Variants in TASP1 observed in about 807,000 individuals in gnomAD.
TASP1 encodes the protein taspase 1.
A neutral mutation model predicts 56.6 loss-of-function variants in TASP1; 16 were observed. The observed-to-expected ratio is 0.28, with a 90% CI of 0.19 to 0.43. TASP1 has a LOEUF of 0.43. Ranked by LOEUF, TASP1 falls within the 20% of genes least tolerant of loss-of-function variation. The pLI, the probability that TASP1 is intolerant of heterozygous loss-of-function variation, is 1.00. For missense variants in TASP1, 393 were observed against 511.6 expected, an observed-to-expected ratio of 0.77 and a Z score of 2.24; for synonymous variants, 179 against 184.2, an observed-to-expected ratio of 0.97 and a Z score of 0.23.
At chr20:13,397,682 C>G (rs1304231696) in intron 13 of TASP1, among the ~76,000 whole-genome samples, 3 of 152,136 alleles carry the variant, frequency 2.0e-5, no homozygotes, top group Non-Finnish European at 2.9e-5. Flanking sequence ...CAAGATGATT[C>G]TGGGACTCAG....
At position 13,557,582 on chromosome 20, in the gene TASP1, T is replaced by G. The variant is rs1462794808; in HGVS notation, c.675+1426A>C. On this transcript the variant is annotated intron_variant, in intron 8 of 13. Transcript: ENST00000337743. ...ATTACGATGTTTTTGGTTTTTTTTTTTTTTTTTTTTTTTTTTGAGACAGGG... is the reference window on the plus strand; with the variant it reads ...ATTACGATGTTTTTGGTTTTTTTTTGTTTTTTTTTTTTTTTTGAGACAGGG... Among the ~76,000 whole-genome samples, 7 of 140,058 alleles carry G rather than the reference T, an allele frequency of 5.0e-5. No individual in the cohort carries two copies. In the South Asian group the frequency reaches 7.1e-4, roughly 14 times the overall value. The allele number at this position is 140,058 out of a possible 152,430, so 91.9% of individuals were successfully genotyped here.
intron 11 of TASP1, among the ~76,000 whole-genome samples, chr20:13,449,919 TGATAC>T (rs1442395986): frequency 1.3e-5 from 2 of 152,064 alleles, no homozygotes; most frequent in East Asian, 3.9e-4. Flanking sequence ...ATCAGTGCAA[TGATAC>T]ACAGGGTGTT....
chr20:13,591,244 A>G (rs2047521366), intron 4 of TASP1, among the ~76,000 whole-genome samples: 1 of 152,112 alleles, frequency 6.6e-6, no homozygotes, highest in South Asian at 2.1e-4. Flanking sequence ...AAATCCAAGA[A>G]GCTCAACAAT....
the TASP1 span, among the ~76,000 whole-genome samples, chr20:13,119,867 A>G: frequency 6.6e-6 from 1 of 152,232 alleles, no homozygotes; most frequent in Non-Finnish European, 1.5e-5. Context: ...TGATGACTTA[A>G]AAATCAGTCA....
the TASP1 span, among the ~76,000 whole-genome samples, chr20:13,305,463 G>A: frequency 2.0e-5 from 3 of 152,300 alleles, no homozygotes; most frequent in East Asian, 1.9e-4. Context: ...CCCAGGAAGT[G>A]TTGTGGGGCG....
the TASP1 span, among the ~76,000 whole-genome samples, chr20:13,288,945 T>C: frequency 6.6e-6 from 1 of 152,066 alleles, no homozygotes; most frequent in Non-Finnish European, 1.5e-5. Context: ...CCACCATGCC[T>C]GGCTAATTTT....
chr20:13,476,899 A>C (rs557578809), intron 11 of TASP1, among the ~76,000 whole-genome samples: 7 of 152,150 alleles, frequency 4.6e-5, no homozygotes, highest in Non-Finnish European at 8.8e-5. Context: ...TTTTCTTAGG[A>C]ATCCCTCAAG....
chr20:13,463,690 A>G (rs2044143528), intron 11 of TASP1, among the ~76,000 whole-genome samples: 1 of 152,152 alleles, frequency 6.6e-6, no homozygotes. Context: ...AAGTGGGCAA[A>G]GGACTTCATA....
At chr20:13,150,254 T>C in the TASP1 span, among the ~76,000 whole-genome samples, 36 of 152,366 alleles carry the variant, frequency 2.4e-4, no homozygotes, top group Non-Finnish European at 4.3e-4. Context: ...TCTTAATTTC[T>C]AGTTCTGCAC....
chr20:13,632,681 T>C (rs1406330786), intron 1 of TASP1, among the ~76,000 whole-genome samples: 1 of 152,152 alleles, frequency 6.6e-6, no homozygotes. Context: ...AAATTAACTA[T>C]CAATACATGA....
intron 13 of TASP1, among the ~76,000 whole-genome samples, chr20:13,413,212 T>G (rs988113533): frequency 6.6e-6 from 1 of 152,104 alleles, no homozygotes; most frequent in Non-Finnish European, 1.5e-5. Context: ...AAAAACAAAA[T>G]GTAAATATCA....
intron 11 of TASP1, among the ~76,000 whole-genome samples, chr20:13,461,902 G>C (rs3789348): frequency 0.46 from 70,060 of 151,906 alleles, 16,270 homozygotes; most frequent in Non-Finnish European, 0.47. Context: ...GTTTATACAA[G>C]ATTCATTCTT....
chr20:13,595,842 C>G (rs529508883), intron 4 of TASP1, among the ~76,000 whole-genome samples: 13 of 152,178 alleles, frequency 8.5e-5, no homozygotes, highest in African/African-American at 2.7e-4. Context: ...ACAAGGATAT[C>G]CAGGGCTTGA....
chr20:13,302,947 G>A, the TASP1 span, among the ~76,000 whole-genome samples: 2 of 152,176 alleles, frequency 1.3e-5, no homozygotes, highest in Admixed American at 1.3e-4. Context: ...TGTCTTAGTG[G>A]CCAAGAGGGT....
the TASP1 span, among the ~76,000 whole-genome samples, chr20:13,290,037 G>A: frequency 2.6e-5 from 4 of 152,170 alleles, no homozygotes; most frequent in Non-Finnish European, 5.9e-5. Flanking sequence ...GAATCAGATT[G>A]GAATGAATGT....
chr20:13,339,501 A>T, the TASP1 span, among the ~76,000 whole-genome samples: 1 of 152,168 alleles, frequency 6.6e-6, no homozygotes, highest in African/African-American at 2.4e-5. Context: ...AGAGAACAGA[A>T]TTTTGATTAT....
chr20:13,373,455 A>C, the TASP1 span, among the ~76,000 whole-genome samples: 1 of 59,694 alleles, frequency 1.7e-5, no homozygotes, highest in African/African-American at 6.7e-5. Context: ...AAATTCTTTC[A>C]GTTTTTTTTT....
the TASP1 span, among the ~76,000 whole-genome samples, chr20:13,282,163 G>A: frequency 7.7e-3 from 1,165 of 151,852 alleles, 6 homozygotes; most frequent in Non-Finnish European, 0.011. Context: ...TTTCAATCCC[G>A]ATGCCTAGAC....
chr20:13,241,145 C>T, the TASP1 span, among the ~76,000 whole-genome samples: 10 of 152,172 alleles, frequency 6.6e-5, no homozygotes, highest in South Asian at 2.1e-4. Flanking sequence ...AACTGGGCAA[C>T]GCAGCCATGA....
Sources: allele counts gnomAD v4.1 joint callset (sites outside exome capture counted in the v4.1 genomes callset), GRCh38; gene constraint gnomAD v4.1.1; transcripts MANE v1.5; gene names NCBI Gene and HGNC (gene_info 2026-07-23, HGNC 2026-07-21).